Variants in LRP1B observed in about 807,000 individuals in gnomAD.
The protein encoded by LRP1B is low-density lipoprotein receptor-related protein 1B.
Under a neutral mutation model 556.6 loss-of-function variants are expected in LRP1B, and 217 were observed. The ratio of observed to expected loss-of-function variants is 0.39; its 90% confidence interval spans 0.35 to 0.44. LRP1B has a LOEUF of 0.44. Ranked by LOEUF, LRP1B falls within the 20% of genes least tolerant of loss-of-function variation. The probability of loss-of-function intolerance (pLI) is 1.00; values close to 1 mark genes in which losing one functional copy is unlikely to be tolerated. For missense variants in LRP1B, 5,053 were observed against 5,620.8 expected, an observed-to-expected ratio of 0.90 and a Z score of 3.23; for synonymous variants, 2,047 against 1,865.8, an observed-to-expected ratio of 1.10 and a Z score of -2.50.
chr2:140,664,040 C>G (rs77617237), intron 41 of LRP1B, among the ~76,000 whole-genome samples: 15,828 of 152,156 alleles, frequency 0.1, 964 homozygotes, highest in East Asian at 0.25. Context: ...AGAACACACA[C>G]TGTATTTCTG....
intron 1 of LRP1B, among the ~76,000 whole-genome samples, chr2:141,843,869 G>A (rs370568992): frequency 2.8e-4 from 42 of 152,178 alleles, no homozygotes; most frequent in Middle Eastern, 3.4e-3. Flanking sequence ...CACAGGCAAT[G>A]GTGTATGCTC....
At chr2:141,921,115 G>A (rs1206385867) in intron 1 of LRP1B, among the ~76,000 whole-genome samples, 3 of 151,862 alleles carry the variant, frequency 2.0e-5, no homozygotes, top group Admixed American at 2.0e-4. Flanking sequence ...TTTCCTTAAG[G>A]CTACATAATC....
At chr2:140,523,870 T>A (rs191658456) in intron 49 of LRP1B, among the ~76,000 whole-genome samples, 6 of 152,038 alleles carry the variant, frequency 3.9e-5, no homozygotes, top group Admixed American at 3.9e-4. Context: ...ATAAAAATAC[T>A]GCAAGAAATC....
intron 41 of LRP1B, among the ~76,000 whole-genome samples, chr2:140,638,584 A>C (rs1684159720): frequency 6.6e-6 from 1 of 152,148 alleles, no homozygotes; most frequent in African/African-American, 2.4e-5. Flanking sequence ...TTCCTAAATA[A>C]AGGTATGTTT....
chr2:141,566,806 G>T (rs13396743), intron 2 of LRP1B, among the ~76,000 whole-genome samples: 11,142 of 152,082 alleles, frequency 0.073, 496 homozygotes, highest in Non-Finnish European at 0.099. Flanking sequence ...CTGCAGTGAG[G>T]TATGATCATG....
Position 140,352,959 on chromosome 2 carries a change from C to T in LRP1B, c.11644G>A (p.Ala3882Thr). The change falls in exon 76 of 91, where the codon GCA becomes ACA. Residue 3882 changes from alanine to threonine, a missense_variant. Coordinates refer to ENST00000389484, the MANE Select transcript of LRP1B (RefSeq NM_018557.3). Reference sequence around the variant, plus strand: ...ATAGTGGTTATAATCTTACCTTCTGCTATGCAGGTGTTATTTCTTTCTTGA... The same window carrying T: ...ATAGTGGTTATAATCTTACCTTCTGTTATGCAGGTGTTATTTCTTTCTTGA... ...NFQERNNTCI[A>T]EGSEDQVLYI... The T allele has an allele frequency of 6.2e-7, 1 of 1,611,444 alleles. No individual in the cohort carries two copies. The highest frequency in any genetic ancestry group is 8.5e-7 in the Non-Finnish European group (1 of 1,178,910).
chr2:140,368,595 T>C (rs962470553), intron 71 of LRP1B, among the ~76,000 whole-genome samples: 9 of 151,804 alleles, frequency 5.9e-5, no homozygotes, highest in African/African-American at 2.2e-4. Flanking sequence ...TTCCAGAGTA[T>C]TTTGAATTTT....
chr2:140,916,844 T>C (rs1694595125), intron 21 of LRP1B, among the ~76,000 whole-genome samples: 1 of 152,206 alleles, frequency 6.6e-6, no homozygotes, highest in South Asian at 2.1e-4. Context: ...AATATACTTT[T>C]ATTTTCTTTT....
chr2:140,358,366 A>T (rs1376340973), intron 73 of LRP1B, among the ~76,000 whole-genome samples: 1 of 151,620 alleles, frequency 6.6e-6, no homozygotes, highest in Non-Finnish European at 1.5e-5. Flanking sequence ...CCTAAGTGTA[A>T]TTTTTTTAGA....
intron 12 of LRP1B, among the ~76,000 whole-genome samples, chr2:141,018,344 C>T (rs1219851377): frequency 6.6e-6 from 1 of 151,894 alleles, no homozygotes; most frequent in Admixed American, 6.6e-5. Flanking sequence ...GCACTTATTC[C>T]TTGTATATAG....
intron 11 of LRP1B, among the ~76,000 whole-genome samples, chr2:141,034,573 G>A (rs1216762407): frequency 4.6e-5 from 7 of 152,108 alleles, no homozygotes; most frequent in African/African-American, 7.2e-5. Flanking sequence ...TCTTAAAAGA[G>A]GACATTTATG....
intron 3 of LRP1B, among the ~76,000 whole-genome samples, chr2:141,325,376 T>A (rs1052474942): frequency 6.6e-6 from 1 of 152,098 alleles, no homozygotes; most frequent in African/African-American, 2.4e-5. Flanking sequence ...GAGTTAAATA[T>A]ATTTTTAAAT....
At chr2:140,628,020 C>T (rs986981946) in intron 41 of LRP1B, among the ~76,000 whole-genome samples, 8 of 152,158 alleles carry the variant, frequency 5.3e-5, no homozygotes, top group African/African-American at 1.9e-4. Context: ...AGAAACAAAG[C>T]ATCAGCTTTA....
At chr2:141,166,060 T>C (rs1239719932) in intron 7 of LRP1B, among the ~76,000 whole-genome samples, 1 of 151,976 alleles carries the variant, frequency 6.6e-6, no homozygotes, top group Non-Finnish European at 1.5e-5. Flanking sequence ...AATCTCCCCA[T>C]TTCCATTCCT....
At chr2:141,490,922 G>C (rs1214267106) in intron 2 of LRP1B, among the ~76,000 whole-genome samples, 1 of 109,812 alleles carries the variant, frequency 9.1e-6, no homozygotes, top group East Asian at 2.9e-4. Context: ...TTCCACCTAG[G>C]TTAAAATGTT....
chr2:141,515,054 G>C (rs191444201), intron 2 of LRP1B, among the ~76,000 whole-genome samples: 3 of 152,290 alleles, frequency 2.0e-5, no homozygotes, highest in African/African-American at 7.2e-5. Flanking sequence ...TGTAATCCCA[G>C]CACTTTGGGA....
chr2:142,016,041 T>C (rs966618875), intron 1 of LRP1B, among the ~76,000 whole-genome samples: 7 of 131,204 alleles, frequency 5.3e-5, no homozygotes, highest in Non-Finnish European at 9.6e-5. Flanking sequence ...CAGACACTTC[T>C]CAAAAGAAGA....
intron 66 of LRP1B, among the ~76,000 whole-genome samples, chr2:140,387,234 G>C (rs895575459): frequency 6.6e-6 from 1 of 152,102 alleles, no homozygotes; most frequent in Admixed American, 6.5e-5. Flanking sequence ...ATTGGTGGTG[G>C]TTTTGTGCTT....
intron 49 of LRP1B, among the ~76,000 whole-genome samples, chr2:140,524,037 G>C (rs982918163): frequency 1.3e-5 from 2 of 151,490 alleles, no homozygotes; most frequent in African/African-American, 2.4e-5. Context: ...AGAGTAAACA[G>C]GTACCCTGGG....
Sources: gnomAD v4.1 joint callset for allele counts (sites outside exome capture counted in the v4.1 genomes callset) on GRCh38, gnomAD v4.1.1 for gene constraint, MANE v1.5 for transcripts, NCBI Gene and HGNC (gene_info 2026-07-23, HGNC 2026-07-21) for gene names.